Variants in TTF1 observed in about 807,000 individuals in gnomAD.
The protein encoded by TTF1 is transcription termination factor 1.
Under a neutral mutation model 80.2 loss-of-function variants are expected in TTF1, and 64 were observed. That is an observed-to-expected ratio of 0.80 (90% CI 0.65 to 0.98). The LOEUF (loss-of-function observed/expected upper bound fraction) is 0.98. TTF1 is among the 50% of genes least tolerant of loss of function. The pLI, the probability that TTF1 is intolerant of heterozygous loss-of-function variation, is 0.00. For missense variants in TTF1, 1,023 were observed against 1,086.2 expected (o/e 0.94, Z 0.82); for synonymous variants, 372 against 382.7 (o/e 0.97, Z 0.33).
intron 10 of TTF1, among the ~76,000 whole-genome samples, chr9:132,376,743 C>T (rs866888470): frequency 1.7e-4 from 25 of 151,208 alleles, no homozygotes; most frequent in African/African-American, 5.6e-4. Context: ...CTCACTGAAG[C>T]CTGGAACTCC....
intron 6 of TTF1, among the ~76,000 whole-genome samples, chr9:132,391,760 G>A (rs111904288): frequency 0.013 from 1,972 of 152,284 alleles, 38 homozygotes; most frequent in African/African-American, 0.044. Context: ...AACGTGTCCC[G>A]TGCCACTGCG....
chr9:132,376,223 AAGGTCG>A, intron 10 of TTF1, 55 bp from the exon 11 acceptor site: 1 of 1,554,748 alleles, frequency 6.4e-7, no homozygotes, highest in Non-Finnish European at 8.7e-7. Context: ...GCCTCTTATC[AAGGTCG>A]AGGCATACAG....
intron 5 of TTF1, among the ~76,000 whole-genome samples, chr9:132,392,613 G>A (rs573599172): frequency 6.6e-6 from 1 of 152,250 alleles, no homozygotes; most frequent in Admixed American, 6.5e-5. Flanking sequence ...GGAGAACACC[G>A]TGCTTCTCTT....
At chr9:132,383,266 A>G (rs1363852323) in intron 9 of TTF1, among the ~76,000 whole-genome samples, 1 of 142,412 alleles carries the variant, frequency 7.0e-6, no homozygotes, top group Non-Finnish European at 1.6e-5. Context: ...AAAAAAAAAA[A>G]AGGACACTAA....
At chr9:132,394,052 G>C (rs1480375156) in intron 5 of TTF1, among the ~76,000 whole-genome samples, 6 of 151,918 alleles carry the variant, frequency 3.9e-5, no homozygotes, top group African/African-American at 1.4e-4. Flanking sequence ...CTCCCAAGTA[G>C]CTGGGACTAC....
chr9:132,406,238 G>C (rs1173854382), intron 1 of TTF1, among the ~76,000 whole-genome samples: 1 of 152,144 alleles, frequency 6.6e-6, no homozygotes, highest in Non-Finnish European at 1.5e-5. Context: ...CTCTGCTCCC[G>C]GGTGGGCGCT....
At chr9:132,377,339 GGT>G (rs1849212143) in intron 10 of TTF1, among the ~76,000 whole-genome samples, 4 of 126,758 alleles carry the variant, frequency 3.2e-5, no homozygotes, top group Admixed American at 8.1e-5. Flanking sequence ...GAATGCATGT[GGT>G]GTGAGTGCAT....
At chr9:132,383,198 A>C (rs1849401466) in intron 9 of TTF1, among the ~76,000 whole-genome samples, 1 of 150,534 alleles carries the variant, frequency 6.6e-6, no homozygotes, top group African/African-American at 2.4e-5. Context: ...CAGTGAGCTG[A>C]GATCACACCA....
intron 8 of TTF1, among the ~76,000 whole-genome samples, chr9:132,387,719 G>A (rs540723782): frequency 6.6e-6 from 1 of 152,262 alleles, no homozygotes; most frequent in South Asian, 2.1e-4. Context: ...CATGGACAAG[G>A]AACTCAAAGA....
intron 2 of TTF1, among the ~76,000 whole-genome samples, chr9:132,401,173 T>C (rs991152192): frequency 1.3e-5 from 2 of 151,884 alleles, no homozygotes; most frequent in Non-Finnish European, 2.9e-5. Context: ...CTACTAAAAA[T>C]ACAAAATTAG....
chr9:132,376,831 C>A (rs911460273), intron 10 of TTF1, among the ~76,000 whole-genome samples: 2 of 151,916 alleles, frequency 1.3e-5, no homozygotes, highest in Non-Finnish European at 2.9e-5. Flanking sequence ...CAGACAAGCA[C>A]CACCATGCCT....
At chr9:132,378,758 CAT>C (rs1035693821) in intron 10 of TTF1, among the ~76,000 whole-genome samples, 22 of 151,786 alleles carry the variant, frequency 1.4e-4, no homozygotes, top group East Asian at 3.9e-4. Context: ...ACGGGCATGT[CAT>C]GTGTGCATGT....
Position 132,401,753 on chromosome 9 carries a change from A to C in TTF1, c.1069T>G (p.Tyr357Asp). 1 of 1,613,642 alleles carries C rather than the reference A, an allele frequency of 6.2e-7. No homozygotes were observed. The highest frequency in any genetic ancestry group is 1.1e-5 in the South Asian group (1 of 91,050). ...CTGCCCACCTGTGATCCTTCAGGGTATGCACTCTCGAGGCTCTCAGGCATG... is the reference window on the plus strand; with the variant it reads ...CTGCCCACCTGTGATCCTTCAGGGTCTGCACTCTCGAGGCTCTCAGGCATG... ...VAMPESLESA[Y>D]PEGSQVGSEV... The change falls in exon 2 of 11, where the codon TAC becomes GAC. Residue 357 changes from tyrosine to aspartate, a missense_variant. Physicochemically the swap from Tyr to Asp is radical, Grantham distance 160. Transcript: ENST00000334270.
intron 10 of TTF1, among the ~76,000 whole-genome samples, chr9:132,378,057 T>G (rs1849265426): frequency 9.0e-6 from 1 of 110,750 alleles, no homozygotes; most frequent in Non-Finnish European, 1.8e-5. Context: ...ATGCATGTGG[T>G]GTGTGAGTGC....
chr9:132,401,417 G>T (rs998604675), intron 2 of TTF1, 38 bp downstream of exon 2: 3 of 1,557,156 alleles, frequency 1.9e-6, no homozygotes, highest in Admixed American at 4.1e-5. Context: ...CCATACGAAA[G>T]AAATATACCA....
chr9:132,381,436 C>T (rs763566029), intron 9 of TTF1, among the ~76,000 whole-genome samples: 4 of 152,158 alleles, frequency 2.6e-5, no homozygotes, highest in East Asian at 1.9e-4. Flanking sequence ...GCAATCCACC[C>T]GCCTTGGCCT....
At chr9:132,382,698 T>C (rs1428032419) in intron 9 of TTF1, among the ~76,000 whole-genome samples, 3 of 149,810 alleles carry the variant, frequency 2.0e-5, no homozygotes, top group Non-Finnish European at 3.0e-5. Flanking sequence ...TTGAGAGGGA[T>C]TAAGGCCAGG....
At chr9:132,394,972 G>A (rs1015942181) in intron 5 of TTF1, among the ~76,000 whole-genome samples, 16 of 151,390 alleles carry the variant, frequency 1.1e-4, no homozygotes, top group African/African-American at 3.6e-4. Context: ...CAGGTGGATC[G>A]CCTGAGGTCA....
At position 132,402,191 on chromosome 9, in the gene TTF1, G is replaced by C. The variant is rs1288213397; in HGVS notation, c.631C>G (p.Pro211Ala). Residue 211 changes from proline to alanine, a missense_variant, in exon 2 of 11, where the codon CCA becomes GCA. Physicochemically the swap from Pro to Ala is conservative, Grantham distance 27. Transcript: ENST00000334270. ...GACTTGTTTTTATGAGCAGATGCTG[G>C]TAGTTCTGTAATTTCACCCCCTGGA... ...VGPGGEITEL[P>A]ASAHKNKSKK... 2.5e-6 allele frequency: 4 copies of C among 1,614,064 alleles called. No homozygotes were observed. In the Admixed American group the frequency reaches 6.7e-5, roughly 27 times the overall value.
Sources: gnomAD v4.1 joint callset for allele counts (sites outside exome capture counted in the v4.1 genomes callset) on GRCh38, gnomAD v4.1.1 for gene constraint, MANE v1.5 for transcripts, NCBI Gene and HGNC (gene_info 2026-07-23, HGNC 2026-07-21) for gene names.